Variants in ABCC12 observed in about 807,000 individuals in gnomAD.
ABCC12 encodes the protein ATP binding cassette subfamily C member 12.
A neutral mutation model predicts 151.1 loss-of-function variants in ABCC12; 142 were observed. The ratio of observed to expected loss-of-function variants is 0.94; its 90% confidence interval spans 0.82 to 1.08. The LOEUF (loss-of-function observed/expected upper bound fraction) is 1.08, where lower values mean the gene tolerates loss of function less well. Ranked by LOEUF, ABCC12 falls within the 50% of genes least tolerant of loss-of-function variation. The pLI is 0.00. For synonymous variants in ABCC12, 645 were observed against 646.4 expected, an observed-to-expected ratio of 1.00 and a Z score of 0.03; for missense variants, 1,638 against 1,691.1, an observed-to-expected ratio of 0.97 and a Z score of 0.55.
rs1964442370 is a variant in ABCC12 at position 48,131,974 on chromosome 16, G to A, written c.1129-1079C>T. On this transcript the variant is annotated intron_variant, in intron 9 of 30. Transcript: ENST00000311303. The stretch of plus-strand genomic sequence containing the variant: ...TGATGTGACTGAATACCCTGGGGCT[G>A]ACCAACTCCTGACATGACCCTAGCA... 2.0e-5 allele frequency among the ~76,000 whole-genome samples: 3 copies of A among 152,296 alleles called. No homozygotes were observed. The South Asian group carries it at 6.2e-4, about 32-fold the overall frequency.
At position 48,082,949 on chromosome 16, in the gene ABCC12, G is replaced by A. The variant is rs1962405996; in HGVS notation, c.*766C>T. The A allele has an allele frequency of 6.6e-6, 1 of 152,218 alleles. No individual in the cohort carries two copies. The highest frequency in any genetic ancestry group is 2.4e-5 in the African/African-American group (1 of 41,448). 9.4% of individuals were successfully genotyped at this position (152,218 alleles called of 1,614,324 possible). On this transcript the variant is annotated 3_prime_UTR_variant, in exon 31 of 31. Coordinates refer to ENST00000311303, the MANE Select transcript of ABCC12 (RefSeq NM_001393797.1). Reference sequence around the variant, plus strand: ...TTTTTGTTTGGTAAGCGACTGTGAAGGTTCATTACTGAGTGAAGGGAGAAG... The same window carrying A: ...TTTTTGTTTGGTAAGCGACTGTGAAAGTTCATTACTGAGTGAAGGGAGAAG...
chr16:48,110,721 C>A (rs1188313842), intron 18 of ABCC12, among the ~76,000 whole-genome samples: 3 of 152,112 alleles, frequency 2.0e-5, no homozygotes, highest in African/African-American at 7.2e-5. Flanking sequence ...CCTATACAAC[C>A]TTGAGGGACC....
chr16:48,093,789 G>A (rs1236878933), intron 24 of ABCC12, among the ~76,000 whole-genome samples: 3 of 152,230 alleles, frequency 2.0e-5, no homozygotes, highest in Non-Finnish European at 1.5e-5. Context: ...CCAGGTTTAG[G>A]ATGCCCACAA....
chr16:48,089,516 T>A (rs1248039044), intron 25 of ABCC12, among the ~76,000 whole-genome samples: 1 of 152,124 alleles, frequency 6.6e-6, no homozygotes, highest in Non-Finnish European at 1.5e-5. Flanking sequence ...CTTGGCTTCA[T>A]CACAAGAGCA....
At position 48,142,145 on chromosome 16, in the gene ABCC12, C is replaced by A. The variant is rs144805985; in HGVS notation, c.276-792G>T. On this transcript the variant is annotated intron_variant, in intron 4 of 30. Coordinates refer to ENST00000311303, the MANE Select transcript of ABCC12 (RefSeq NM_001393797.1). ...CCAACTGTGTGAATATTTACAGAGA[C>A]GGAGATGGGAAAAAGCAGAAGAGGA... Among the ~76,000 whole-genome samples, 27 of 152,158 alleles carry A rather than the reference C, an allele frequency of 1.8e-4. No individual in the cohort carries two copies. The East Asian group carries it at 4.8e-3, about 27-fold the overall frequency.
chr16:48,141,160 T>TA (rs1964795706), intron 5 of ABCC12, 46 bp downstream of exon 5: 1 of 1,600,296 alleles, frequency 6.2e-7, no homozygotes. Context: ...CATTCTTTGC[T>TA]AGGCTGGGGA....
Position 48,141,452 on chromosome 16 carries a change from C to A in ABCC12, c.276-99G>T. ...GCTCTTGCAAGGGTGCTCGGCAGAG[C>A]CCCCCTCCCTGGCAGTGGTGCCTTC... On this transcript the variant is annotated intron_variant, in intron 4 of 30. Coordinates refer to ENST00000311303, the MANE Select transcript of ABCC12 (RefSeq NM_001393797.1). The A allele has an allele frequency of 2.7e-6, 4 of 1,486,166 alleles. No homozygotes were observed. In the South Asian group the frequency reaches 3.8e-5, roughly 14 times the overall value. 92.1% of individuals were successfully genotyped at this position (1,486,166 alleles called of 1,614,324 possible). A position where few individuals can be genotyped will look rare whatever the true frequency, so the allele number is the denominator to read the frequency against.
chr16:48,115,334 G>C (rs1467476045), intron 15 of ABCC12, 81 bp downstream of exon 15: 4 of 1,459,902 alleles, frequency 2.7e-6, no homozygotes, highest in Middle Eastern at 2.3e-4. Context: ...GGCAGATATA[G>C]GCAGAAGAGG....
chr16:48,151,615 T>C (rs971133216), intron 2 of ABCC12, among the ~76,000 whole-genome samples: 4 of 152,170 alleles, frequency 2.6e-5, no homozygotes, highest in African/African-American at 9.7e-5. Context: ...GAGAACTCTG[T>C]ACTATCTTTG....
intron 29 of ABCC12, among the ~76,000 whole-genome samples, chr16:48,085,111 G>A (rs537562506): frequency 1.2e-4 from 19 of 152,232 alleles, no homozygotes; most frequent in African/African-American, 4.6e-4. Context: ...CATCTTTGAT[G>A]AGGCTTCAGA....
Position 48,083,954 on chromosome 16 carries a change from G to A in ABCC12, c.3948C>T (p.Asn1316=). The A allele has an allele frequency of 6.2e-7, 1 of 1,613,288 alleles. No homozygotes were observed. Among genetic ancestry groups the A allele is most frequent in the Non-Finnish European group, 8.5e-7 (1 of 1,179,836 alleles). The part of the protein sequence containing the change: ...CTVLTIAHRL[N]TVLNCDHVLV... ...GGACGTGATCGCAGTTGAGAACTGT[G>A]TTGAGGCGGTGGGCGATGGTCAGCA... is the stretch of plus-strand genomic sequence containing the variant. The change falls in exon 30 of 31, where the codon AAC becomes AAT. Residue 1316 remains asparagine (N), a synonymous_variant. Coordinates refer to ENST00000311303, the MANE Select transcript of ABCC12 (RefSeq NM_001393797.1).
chr16:48,101,894 C>T (rs1476182933), intron 22 of ABCC12, among the ~76,000 whole-genome samples: 2 of 152,150 alleles, frequency 1.3e-5, no homozygotes, highest in African/African-American at 4.8e-5. Context: ...CCAGGACTTG[C>T]TTTTATCCTG....
chr16:48,115,146 C>T (rs1963831458), intron 15 of ABCC12, among the ~76,000 whole-genome samples: 1 of 152,152 alleles, frequency 6.6e-6, no homozygotes, highest in South Asian at 2.1e-4. Context: ...CCCAATCCAC[C>T]CACAGGCAGG....
At chr16:48,088,215 G>T in intron 26 of ABCC12, 130 bp from the exon 27 acceptor site, 2 of 1,151,378 alleles carry the variant, frequency 1.7e-6, no homozygotes, top group Non-Finnish European at 2.4e-6. Context: ...TAGACAGAAA[G>T]TGTCCTCACC....
intron 19 of ABCC12, 81 bp from the exon 20 acceptor site, chr16:48,107,506 G>A (rs1963537000): frequency 9.6e-6 from 12 of 1,246,392 alleles, no homozygotes; most frequent in Admixed American, 1.8e-5. Context: ...ACCCAACCCT[G>A]ATGGGAAATT....
intron 11 of ABCC12, among the ~76,000 whole-genome samples, chr16:48,127,249 C>T (rs1311435593): frequency 6.6e-6 from 1 of 151,956 alleles, no homozygotes; most frequent in Non-Finnish European, 1.5e-5. Context: ...AAATACCAGG[C>T]ACAAGATTAA....
chr16:48,130,809 A>G lies in ABCC12; in HGVS notation c.1215T>C (p.Asn405=), dbSNP rs563865259. The part of the protein sequence containing the change: ...PFSIKAMAEA[N]VSLRRMKKIL... Reference sequence around the variant, plus strand: ...ATACCTTCATTCTCCTTAGAGAGACATTCGCTTCAGCCATTGCTTTGATGG... The same window carrying G: ...ATACCTTCATTCTCCTTAGAGAGACGTTCGCTTCAGCCATTGCTTTGATGG... Residue 405 remains asparagine (N), a synonymous_variant, in exon 10 of 31, where the codon AAT becomes AAC. Transcript: ENST00000311303. The G allele has an allele frequency of 6.2e-7, 1 of 1,612,664 alleles. No individual in the cohort carries two copies. Among genetic ancestry groups the G allele is most frequent in the South Asian group, 1.1e-5 (1 of 91,054 alleles).
chr16:48,134,287 A>G (rs762278796), intron 8 of ABCC12, among the ~76,000 whole-genome samples: 15 of 152,184 alleles, frequency 9.9e-5, no homozygotes, highest in Non-Finnish European at 1.5e-4. Context: ...CCTGCTCCCC[A>G]CCAACTGCAA....
At chr16:48,107,239 G>T in intron 20 of ABCC12, 83 bp downstream of exon 20, 2 of 1,307,510 alleles carry the variant, frequency 1.5e-6, no homozygotes, top group Non-Finnish European at 2.2e-6. Flanking sequence ...TGGCATGGTG[G>T]CAGGGGCAGT....
Sources: gnomAD v4.1 joint callset for allele counts (sites outside exome capture counted in the v4.1 genomes callset) on GRCh38, gnomAD v4.1.1 for gene constraint, MANE v1.5 for transcripts, NCBI Gene and HGNC (gene_info 2026-07-23, HGNC 2026-07-21) for gene names.